PPARGC1A: variants seen among roughly 807,000 people sequenced by gnomAD.
PPARGC1A encodes the protein peroxisome proliferator-activated receptor gamma coactivator 1-alpha.
PPARGC1A carries 25 observed loss-of-function variants against 88.7 expected under a neutral mutation model. The observed-to-expected ratio is 0.28, with a 90% CI of 0.21 to 0.39. The LOEUF is 0.39. Among genes scored for constraint, PPARGC1A ranks in the 10% least tolerant of loss-of-function variants. PPARGC1A has a pLI of 1.00. For synonymous variants in PPARGC1A, 363 were observed against 355.6 expected, an observed-to-expected ratio of 1.02 and a Z score of -0.24; for missense variants, 880 against 968.7, an observed-to-expected ratio of 0.91 and a Z score of 1.22.
chr4:23,902,030 G>A (rs985118230), upstream of PPARGC1A, among the ~76,000 whole-genome samples: 1 of 151,850 alleles, frequency 6.6e-6, no homozygotes, highest in African/African-American at 2.4e-5. Context: ...AAATTGAGAT[G>A]TTCTACAGAT....
chr4:24,259,011 T>C, the PPARGC1A span, among the ~76,000 whole-genome samples: 26 of 152,218 alleles, frequency 1.7e-4, no homozygotes, highest in African/African-American at 6.3e-4. Context: ...TTTATTACTA[T>C]GACAACCACT....
At chr4:23,818,692 G>A (rs1722417918) in intron 7 of PPARGC1A, among the ~76,000 whole-genome samples, 1 of 151,766 alleles carries the variant, frequency 6.6e-6, no homozygotes, top group Admixed American at 6.6e-5. Flanking sequence ...AAAAGGCAAA[G>A]ACAAGTTTTG....
At chr4:24,301,769 T>C in the PPARGC1A span, among the ~76,000 whole-genome samples, 2 of 152,272 alleles carry the variant, frequency 1.3e-5, no homozygotes, top group East Asian at 3.9e-4. Context: ...CTTGTATACA[T>C]TGTAGGATGA....
the PPARGC1A span, among the ~76,000 whole-genome samples, chr4:24,105,089 G>A: frequency 6.6e-6 from 1 of 152,172 alleles, no homozygotes; most frequent in African/African-American, 2.4e-5. Context: ...ATTTACATTG[G>A]AACATGTTTC....
the PPARGC1A span, among the ~76,000 whole-genome samples, chr4:24,296,675 A>C: frequency 6.6e-6 from 1 of 152,072 alleles, no homozygotes; most frequent in Non-Finnish European, 1.5e-5. Flanking sequence ...TCCCATTCCC[A>C]TTTCAAGCAG....
At chr4:23,916,891 G>T in the PPARGC1A span, among the ~76,000 whole-genome samples, 1 of 152,036 alleles carries the variant, frequency 6.6e-6, no homozygotes, top group Non-Finnish European at 1.5e-5. Flanking sequence ...GTATTAACAT[G>T]AACATTTTTA....
the PPARGC1A span, among the ~76,000 whole-genome samples, chr4:24,115,167 G>A: frequency 3.3e-5 from 5 of 152,016 alleles, no homozygotes; most frequent in East Asian, 1.9e-4. Context: ...TAGATTCTCC[G>A]TGTTGCATGG....
chr4:24,200,017 C>T, the PPARGC1A span, among the ~76,000 whole-genome samples: 1 of 152,012 alleles, frequency 6.6e-6, no homozygotes, highest in Non-Finnish European at 1.5e-5. Context: ...ATAAATAAAT[C>T]ATGGAATACT....
At position 23,792,870 on chromosome 4, in the gene PPARGC1A, A is replaced by G. The variant is rs1366358955; in HGVS notation, c.*2952T>C. On this transcript the variant is annotated 3_prime_UTR_variant, in exon 13 of 13. Transcript: ENST00000264867. ...TGTCTGCAGAAGATACAAAAGCTCC[A>G]CTAATTCTAGATGCAATTTGAAGTC... is the stretch of plus-strand genomic sequence containing the variant. 1 of 152,386 alleles carries G rather than the reference A, an allele frequency of 6.6e-6. No homozygotes were observed. Among genetic ancestry groups the G allele is most frequent in the South Asian group, 2.1e-4 (1 of 4,826 alleles). The allele number at this position is 152,386 out of a possible 1,614,324, so 9.4% of individuals were successfully genotyped here. A position where few individuals can be genotyped will look rare whatever the true frequency, so the allele number is the denominator to read the frequency against.
chr4:24,302,348 G>T, the PPARGC1A span, among the ~76,000 whole-genome samples: 2 of 152,136 alleles, frequency 1.3e-5, no homozygotes, highest in Admixed American at 1.3e-4. Context: ...CAGACTGATG[G>T]GCAACTTTGA....
At chr4:23,911,367 T>C in the PPARGC1A span, among the ~76,000 whole-genome samples, 4 of 152,132 alleles carry the variant, frequency 2.6e-5, no homozygotes, top group East Asian at 5.8e-4. Context: ...TCTATCCCCA[T>C]AAGGTGTCAC....
At chr4:24,061,905 CA>C in the PPARGC1A span, among the ~76,000 whole-genome samples, 2 of 152,184 alleles carry the variant, frequency 1.3e-5, no homozygotes, top group South Asian at 4.1e-4. Flanking sequence ...GGGAGGGCCA[CA>C]ATCTCGATTG....
At chr4:24,149,737 A>G in the PPARGC1A span, among the ~76,000 whole-genome samples, 1 of 152,184 alleles carries the variant, frequency 6.6e-6, no homozygotes, top group African/African-American at 2.4e-5. Flanking sequence ...CTGGGAACAA[A>G]TCCCGAGCAG....
chr4:23,894,538 G>C (rs1226498279), upstream of PPARGC1A, among the ~76,000 whole-genome samples: 1 of 151,746 alleles, frequency 6.6e-6, no homozygotes, highest in East Asian at 1.9e-4. Context: ...AAGACAGCTT[G>C]AATGTCTCCT....
chr4:24,384,494 A>G, the PPARGC1A span, among the ~76,000 whole-genome samples: 1 of 151,276 alleles, frequency 6.6e-6, no homozygotes, highest in Non-Finnish European at 1.5e-5. Context: ...CCCATCTCAC[A>G]TGCAAAGACA....
the PPARGC1A span, among the ~76,000 whole-genome samples, chr4:24,332,067 G>T: frequency 6.6e-6 from 1 of 151,838 alleles, no homozygotes; most frequent in Non-Finnish European, 1.5e-5. Flanking sequence ...TGCTTTGGTT[G>T]TCCAAACCAT....
At chr4:23,847,451 G>A (rs1296295087) in intron 2 of PPARGC1A, among the ~76,000 whole-genome samples, 1 of 152,108 alleles carries the variant, frequency 6.6e-6, no homozygotes, top group Non-Finnish European at 1.5e-5. Flanking sequence ...CTTAAGTCAT[G>A]AAATCTCTTT....
chr4:24,050,732 G>C, the PPARGC1A span, among the ~76,000 whole-genome samples: 4 of 152,104 alleles, frequency 2.6e-5, no homozygotes, highest in African/African-American at 9.7e-5. Flanking sequence ...TTGTTCTTCA[G>C]TACTGTGGAA....
At chr4:23,820,697 A>G in intron 7 of PPARGC1A, 1 of 380,458 alleles carries the variant, frequency 2.6e-6, no homozygotes, top group Middle Eastern at 3.7e-4. Flanking sequence ...ACAATCACAA[A>G]GAAGTCAGAC....
Sources: allele counts gnomAD v4.1 joint callset (sites outside exome capture counted in the v4.1 genomes callset), GRCh38; gene constraint gnomAD v4.1.1; transcripts MANE v1.5; gene names NCBI Gene and HGNC (gene_info 2026-07-23, HGNC 2026-07-21).